TSPAN5: variants seen among roughly 807,000 people sequenced by gnomAD.
The protein encoded by TSPAN5 is tetraspanin 5.
Under a neutral mutation model 37.1 loss-of-function variants are expected in TSPAN5, and 10 were observed. The observed-to-expected ratio is 0.27, with a 90% CI of 0.17 to 0.46. The LOEUF (loss-of-function observed/expected upper bound fraction) is 0.46, where lower values mean the gene tolerates loss of function less well. Ranked by LOEUF, TSPAN5 falls within the 20% of genes least tolerant of loss-of-function variation. The pLI is 1.00. For synonymous variants in TSPAN5, 110 were observed against 118.9 expected (o/e 0.93, Z 0.48); for missense variants, 195 against 326.6 (o/e 0.60, Z 3.11).
chr4:98,559,941 T>G (rs752510381), intron 1 of TSPAN5, among the ~76,000 whole-genome samples: 1 of 152,242 alleles, frequency 6.6e-6, no homozygotes, highest in Admixed American at 6.5e-5. Flanking sequence ...GTCACTTCCC[T>G]GAAGAATTTC....
intron 1 of TSPAN5, among the ~76,000 whole-genome samples, chr4:98,649,256 C>G (rs879706528): frequency 2.0e-5 from 3 of 152,046 alleles, no homozygotes; most frequent in Non-Finnish European, 4.4e-5. Context: ...ACTGCTCAGT[C>G]CACACCCCAC....
chr4:98,513,080 G>T lies in TSPAN5; in HGVS notation c.82-5352C>A, dbSNP rs567461838. Among the ~76,000 whole-genome samples, 3 of 152,322 alleles carry T rather than the reference G, an allele frequency of 2.0e-5. No homozygotes were observed. The South Asian group carries it at 6.2e-4, about 32-fold the overall frequency. On this transcript the variant is annotated intron_variant, in intron 1 of 7. Coordinates refer to ENST00000305798, the MANE Select transcript of TSPAN5 (RefSeq NM_005723.4). ...AGGAGTTAATGAGCAAAGAAAGGAGGAAGAGTGTTTCAGGCAGAGCAGAAT... is the reference window on the plus strand; with the variant it reads ...AGGAGTTAATGAGCAAAGAAAGGAGTAAGAGTGTTTCAGGCAGAGCAGAAT...
chr4:98,490,490 G>A (rs1394385670), intron 2 of TSPAN5, among the ~76,000 whole-genome samples: 1 of 152,114 alleles, frequency 6.6e-6, no homozygotes, highest in Admixed American at 6.5e-5. Context: ...CAATCATTGG[G>A]GGGCTGAGCT....
At chr4:98,487,137 C>T (rs28433272) in intron 2 of TSPAN5, among the ~76,000 whole-genome samples, 1 of 88,406 alleles carries the variant, frequency 1.1e-5, no homozygotes, top group African/African-American at 4.5e-5. Context: ...AGGGAGGAAG[C>T]GAGGAAGGGA....
intron 3 of TSPAN5, 24 bp from the exon 4 acceptor site, chr4:98,482,199 G>A: frequency 6.2e-7 from 1 of 1,610,832 alleles, no homozygotes; most frequent in Non-Finnish European, 8.5e-7. Flanking sequence ...CACATACACA[G>A]AGAACAGTTA....
At chr4:98,555,450 T>C (rs1196349269) in intron 1 of TSPAN5, among the ~76,000 whole-genome samples, 2 of 152,222 alleles carry the variant, frequency 1.3e-5, no homozygotes, top group Non-Finnish European at 2.9e-5. Flanking sequence ...CCTTTGCGAA[T>C]TTATTCCCCC....
At chr4:98,585,460 C>A (rs566772900) in intron 1 of TSPAN5, among the ~76,000 whole-genome samples, 1 of 152,278 alleles carries the variant, frequency 6.6e-6, no homozygotes, top group South Asian at 2.1e-4. Flanking sequence ...CAGGCATGCA[C>A]CGCCACACCT....
At chr4:98,631,981 T>C (rs1427615838) in intron 1 of TSPAN5, among the ~76,000 whole-genome samples, 2 of 152,194 alleles carry the variant, frequency 1.3e-5, no homozygotes, top group East Asian at 3.9e-4. Flanking sequence ...GAGAAATGGA[T>C]GCACAGATCA....
intron 1 of TSPAN5, among the ~76,000 whole-genome samples, chr4:98,514,879 A>G (rs909717781): frequency 4.6e-5 from 7 of 152,204 alleles, no homozygotes; most frequent in African/African-American, 1.4e-4. Context: ...GAAAGGCAAT[A>G]TAAAGAAACA....
At chr4:98,580,854 A>G (rs1409816756) in intron 1 of TSPAN5, among the ~76,000 whole-genome samples, 2 of 151,532 alleles carry the variant, frequency 1.3e-5, no homozygotes, top group Non-Finnish European at 2.9e-5. Context: ...GGGGCTACAA[A>G]GGACAAGGCT....
intron 1 of TSPAN5, among the ~76,000 whole-genome samples, chr4:98,638,281 G>T (rs1050669750): frequency 6.6e-6 from 1 of 152,156 alleles, no homozygotes; most frequent in Non-Finnish European, 1.5e-5. Flanking sequence ...CAGTAAAGAT[G>T]CCTTGGTCTC....
intron 2 of TSPAN5, among the ~76,000 whole-genome samples, chr4:98,493,778 G>C (rs1317751943): frequency 6.6e-6 from 1 of 152,168 alleles, no homozygotes; most frequent in Non-Finnish European, 1.5e-5. Context: ...GAGGTCTACA[G>C]CTGTTGTTGC....
chr4:98,490,062 A>T (rs532452208), intron 2 of TSPAN5, among the ~76,000 whole-genome samples: 3 of 152,148 alleles, frequency 2.0e-5, no homozygotes, highest in Non-Finnish European at 4.4e-5. Context: ...GGCCTTAATG[A>T]CCTTTAGGAT....
chr4:98,536,280 G>T (rs775188645), intron 1 of TSPAN5, among the ~76,000 whole-genome samples: 3 of 152,104 alleles, frequency 2.0e-5, no homozygotes, highest in Non-Finnish European at 4.4e-5. Flanking sequence ...TTCTGCTGCC[G>T]GTCTGCTGGA....
chr4:98,490,353 T>C (rs966720586), intron 2 of TSPAN5, among the ~76,000 whole-genome samples: 1 of 152,234 alleles, frequency 6.6e-6, no homozygotes, highest in African/African-American at 2.4e-5. Flanking sequence ...CTAGATCATC[T>C]GCACTCTCTG....
chr4:98,489,997 GTGAACCT>G lies in TSPAN5; in HGVS notation c.133-3120_133-3114del, dbSNP rs1753051336. On this transcript the variant is annotated intron_variant, in intron 2 of 7. Transcript: ENST00000305798. ...ATTCCCCAACAGGGTTGCTGATGCT[GTGAACCT>G]TTGTCAACAGCATTCTAGGAAAGAT... 2.0e-5 allele frequency among the ~76,000 whole-genome samples: 3 copies of G among 152,350 alleles called. No homozygotes were observed. The South Asian group carries it at 6.2e-4, about 32-fold the overall frequency.
intron 1 of TSPAN5, among the ~76,000 whole-genome samples, chr4:98,633,560 T>C (rs1319122867): frequency 6.6e-6 from 1 of 152,194 alleles, no homozygotes; most frequent in Admixed American, 6.5e-5. Context: ...ATTTCATCAC[T>C]TCGATGAACA....
intron 1 of TSPAN5, among the ~76,000 whole-genome samples, chr4:98,573,813 T>A (rs919646444): frequency 3.9e-5 from 6 of 152,188 alleles, no homozygotes; most frequent in Admixed American, 1.3e-4. Flanking sequence ...ATCCCAAAAA[T>A]GTACATACAG....
chr4:98,535,625 GT>G (rs1233792428), intron 1 of TSPAN5, among the ~76,000 whole-genome samples: 5 of 152,174 alleles, frequency 3.3e-5, no homozygotes, highest in African/African-American at 1.2e-4. Flanking sequence ...CCTGGAGAGT[GT>G]TTTCCAACTT....
Sources: allele counts gnomAD v4.1 joint callset (sites outside exome capture counted in the v4.1 genomes callset), GRCh38; gene constraint gnomAD v4.1.1; transcripts MANE v1.5; gene names NCBI Gene and HGNC (gene_info 2026-07-23, HGNC 2026-07-21).